HERC6: variants seen among roughly 807,000 people sequenced by gnomAD.
HERC6 encodes the protein HECT and RLD domain containing E3 ubiquitin protein ligase family member 6, also known as probable E3 ubiquitin-protein ligase HERC6.
A neutral mutation model predicts 114.5 loss-of-function variants in HERC6; 101 were observed. The observed-to-expected ratio is 0.88, with a 90% confidence interval of 0.75 to 1.04. The LOEUF is 1.04. Among genes scored for constraint, HERC6 ranks in the 50% least tolerant of loss-of-function variants. The pLI is 0.00. For missense variants in HERC6, 1,133 were observed against 1,230.9 expected (o/e 0.92, Z 1.19); for synonymous variants, 408 against 436.2 (o/e 0.94, Z 0.81).
At chr4:88,383,434 C>T in intron 2 of HERC6, 54 bp downstream of exon 2, 3 of 1,355,064 alleles carry the variant, frequency 2.2e-6, no homozygotes, top group Non-Finnish European at 1.9e-6. Context: ...TACCATGTGC[C>T]AGGCACTGTG....
intron 13 of HERC6, among the ~76,000 whole-genome samples, chr4:88,419,564 T>C (rs1736831878): frequency 6.6e-6 from 1 of 152,190 alleles, no homozygotes; most frequent in African/African-American, 2.4e-5. Flanking sequence ...TTAATATGCA[T>C]GCAAGTTACC....
In HERC6 at chr4:88,396,029, C is replaced by T; in HGVS notation, c.774C>T (p.Phe258=). The T allele has an allele frequency of 1.3e-6, 2 of 1,594,006 alleles. No homozygotes were observed. ...TAVLTQDGKV[F]TFGDNRSGQL... is the part of the protein sequence containing the mutation. ...TTGCTAAGCAGGACGGGAAAGTGTTCACATTTGGAGACAATCGCTCTGGAC... is the reference window on the plus strand; with the variant it reads ...TTGCTAAGCAGGACGGGAAAGTGTTTACATTTGGAGACAATCGCTCTGGAC... The change falls in exon 6 of 23, where the codon TTC becomes TTT. Residue 258 remains phenylalanine, a synonymous_variant. Transcript: ENST00000264346.
chr4:88,420,626 CTTTA>C (rs1736945227), intron 13 of HERC6, among the ~76,000 whole-genome samples: 2 of 152,152 alleles, frequency 1.3e-5, no homozygotes, highest in South Asian at 4.1e-4. Flanking sequence ...TTTAAAACAG[CTTTA>C]TTGAGATATA....
intron 14 of HERC6, among the ~76,000 whole-genome samples, chr4:88,424,382 A>T (rs1737377879): frequency 6.6e-6 from 1 of 152,148 alleles, no homozygotes; most frequent in Non-Finnish European, 1.5e-5. Context: ...CAAGAGGCTG[A>T]GGTGGGAGGA....
intron 15 of HERC6, among the ~76,000 whole-genome samples, chr4:88,428,318 T>C (rs1226381627): frequency 1.3e-5 from 2 of 152,234 alleles, no homozygotes; most frequent in Non-Finnish European, 2.9e-5. Context: ...AGATAGCTTT[T>C]AATAACTTAG....
At chr4:88,381,554 C>CTTTT (rs142058374) in intron 1 of HERC6, among the ~76,000 whole-genome samples, 21 of 95,808 alleles carry the variant, frequency 2.2e-4, no homozygotes, top group African/African-American at 4.0e-4. Flanking sequence ...CCCTTCTCTT[C>CTTTT]TTTTTTTTTT....
chr4:88,406,903 T>A (rs1735839939), intron 10 of HERC6, among the ~76,000 whole-genome samples: 1 of 151,924 alleles, frequency 6.6e-6, no homozygotes, highest in Non-Finnish European at 1.5e-5. Flanking sequence ...ATTACAGGTG[T>A]GCACCACCAC....
At position 88,393,593 on chromosome 4, in the gene HERC6, A is replaced by G. The variant is rs746459166; in HGVS notation, c.759+11A>G. The G allele has an allele frequency of 1.6e-5, 25 of 1,568,896 alleles. No homozygotes were observed. The highest frequency in any genetic ancestry group is 2.7e-5 in the African/African-American group (2 of 74,060). On this transcript the variant is annotated intron_variant, in intron 5 of 22. Transcript: ENST00000264346. ...GCGGTGCTTACCCAGGTAATCCAAA[A>G]CGTGTTGCTATTTTTTTGAGTTCCA...
intron 22 of HERC6, chr4:88,440,542 T>C (rs796460394): frequency 1.9e-5 from 6 of 311,578 alleles, no homozygotes; most frequent in Admixed American, 1.4e-4. Flanking sequence ...AGTGAGGAGG[T>C]GGTGTCTGAT....
chr4:88,402,506 T>A (rs1735599584), intron 8 of HERC6, among the ~76,000 whole-genome samples: 1 of 152,116 alleles, frequency 6.6e-6, no homozygotes, highest in Non-Finnish European at 1.5e-5. Context: ...AAAACCCTGA[T>A]CCAGGGCATG....
At chr4:88,393,133 C>G (rs184195005) in intron 4 of HERC6, among the ~76,000 whole-genome samples, 1 of 152,114 alleles carries the variant, frequency 6.6e-6, no homozygotes, top group Non-Finnish European at 1.5e-5. Flanking sequence ...TCAATAGCCT[C>G]GGGCATTCCG....
chr4:88,385,689 G>C (rs976482603), intron 3 of HERC6, 114 bp downstream of exon 3: 1 of 599,156 alleles, frequency 1.7e-6, no homozygotes, highest in Non-Finnish European at 2.9e-6. Context: ...CATTCCCCAG[G>C]TTTCATAAGA....
intron 12 of HERC6, among the ~76,000 whole-genome samples, chr4:88,416,736 A>G (rs1415399973): frequency 6.6e-6 from 1 of 152,046 alleles, no homozygotes; most frequent in Non-Finnish European, 1.5e-5. Context: ...ACTAATATGC[A>G]ATGCCGCATT....
chr4:88,399,400 C>T (rs553059236), intron 8 of HERC6: 1 of 152,172 alleles, frequency 6.6e-6, no homozygotes, highest in Non-Finnish European at 1.5e-5. Context: ...ATAGTACAGA[C>T]AAAGTTACCC....
At chr4:88,412,423 T>C (rs1297329495) in intron 11 of HERC6, among the ~76,000 whole-genome samples, 1 of 152,020 alleles carries the variant, frequency 6.6e-6, no homozygotes, top group South Asian at 2.1e-4. Flanking sequence ...CTGGGCAACA[T>C]AGTGAGACTC....
chr4:88,390,925 A>G (rs1734887628), intron 4 of HERC6, 46 bp downstream of exon 4: 18 of 1,510,644 alleles, frequency 1.2e-5, no homozygotes, highest in South Asian at 3.7e-5. Context: ...CTTTCTTTCC[A>G]GGTGGAAGAC....
intron 16 of HERC6, among the ~76,000 whole-genome samples, chr4:88,429,795 T>C (rs1738000827): frequency 6.6e-6 from 1 of 152,382 alleles, no homozygotes; most frequent in African/African-American, 2.4e-5. Context: ...TAGTTGTATG[T>C]CTCCCTTCAT....
intron 3 of HERC6, among the ~76,000 whole-genome samples, chr4:88,388,596 T>C (rs1734725120): frequency 6.7e-6 from 1 of 149,802 alleles, no homozygotes; most frequent in Admixed American, 6.7e-5. Flanking sequence ...AAAAGACATA[T>C]TAATTTATTA....
intron 17 of HERC6, 30 bp downstream of exon 17, chr4:88,431,335 A>G: frequency 6.4e-7 from 1 of 1,572,884 alleles, no homozygotes; most frequent in Non-Finnish European, 8.6e-7. Flanking sequence ...TTTTTCCCCC[A>G]GAACAGAAAA....
Sources: gnomAD v4.1 joint callset for allele counts (sites outside exome capture counted in the v4.1 genomes callset) on GRCh38, gnomAD v4.1.1 for gene constraint, MANE v1.5 for transcripts, NCBI Gene and HGNC (gene_info 2026-07-23, HGNC 2026-07-21) for gene names.